Variants in MATN2 observed in about 807,000 individuals in gnomAD.
MATN2 encodes the protein matrilin-2.
MATN2 carries 69 observed loss-of-function variants against 103.2 expected under a neutral mutation model. That is an observed-to-expected ratio of 0.67 (90% CI 0.55 to 0.82). The LOEUF (loss-of-function observed/expected upper bound fraction) is 0.82. MATN2 is among the 40% of genes least tolerant of loss of function. MATN2 has a pLI of 0.00. For synonymous variants in MATN2, 429 were observed against 450.2 expected (o/e 0.95, Z 0.60); for missense variants, 1,023 against 1,211.5 (o/e 0.84, Z 2.31).
At chr8:97,963,036 G>A (rs1811364253) in intron 5 of MATN2, among the ~76,000 whole-genome samples, 1 of 152,226 alleles carries the variant, frequency 6.6e-6, no homozygotes, top group Non-Finnish European at 1.5e-5. Context: ...TTGGGAGGGT[G>A]AGGAAGAAGA....
intron 10 of MATN2, among the ~76,000 whole-genome samples, chr8:98,008,340 G>A (rs759142284): frequency 1.6e-4 from 25 of 152,016 alleles, no homozygotes; most frequent in Admixed American, 2.6e-4. Flanking sequence ...ATAAAGAATC[G>A]AAATATGGTC....
chr8:97,950,194 G>A (rs1241308181), intron 4 of MATN2, among the ~76,000 whole-genome samples: 1 of 152,224 alleles, frequency 6.6e-6, no homozygotes, highest in Non-Finnish European at 1.5e-5. Flanking sequence ...TCATTAATCA[G>A]AACAAGGTTT....
In MATN2 at chr8:98,005,793, C is replaced by T. The variant is rs923785800; in HGVS notation, c.1328-1312C>T. Among the ~76,000 whole-genome samples, 2 of 152,176 alleles carry T rather than the reference C, an allele frequency of 1.3e-5. No homozygotes were observed. Among genetic ancestry groups the T allele is most frequent in the Non-Finnish European group, 2.9e-5 (2 of 68,034 alleles). On this transcript the variant is annotated intron_variant, in intron 8 of 18. Transcript: ENST00000254898. This position sits in a 1 kb window ranked among gnomAD's most constrained non-coding sequence, Gnocchi z 4.6. The stretch of plus-strand genomic sequence containing the variant: ...CCCTACTGGGCACCCACATTCTTGT[C>T]GCTATTTAAACAAGGGCAAACTGTG...
intron 4 of MATN2, among the ~76,000 whole-genome samples, chr8:97,950,586 A>AC (rs1024154485): frequency 8.9e-4 from 135 of 152,130 alleles, no homozygotes; most frequent in African/African-American, 3.1e-3. Flanking sequence ...CTTCCCTTTT[A>AC]CCCCCCACAC....
chr8:98,020,816 G>A (rs1261804997), intron 12 of MATN2, among the ~76,000 whole-genome samples: 1 of 152,146 alleles, frequency 6.6e-6, no homozygotes, highest in Admixed American at 6.5e-5. Flanking sequence ...TGTCTCACAG[G>A]GTGTTGTGAG....
At chr8:97,922,016 G>A (rs1044856532) in intron 2 of MATN2, among the ~76,000 whole-genome samples, 2 of 152,130 alleles carry the variant, frequency 1.3e-5, no homozygotes, top group African/African-American at 4.8e-5. Context: ...AAACCCTATT[G>A]TGAATTGTGC....
intron 1 of MATN2, among the ~76,000 whole-genome samples, chr8:97,869,506 G>T (rs1169062477): frequency 6.6e-6 from 1 of 152,122 alleles, no homozygotes; most frequent in African/African-American, 2.4e-5. Context: ...CCTCGGCCGG[G>T]AGAGCTGGGC....
chr8:97,998,317 G>A (rs376263767), intron 7 of MATN2, among the ~76,000 whole-genome samples: 3 of 150,000 alleles, frequency 2.0e-5, no homozygotes, highest in African/African-American at 4.9e-5. Context: ...TCAGGAGATC[G>A]AGACCATCCT....
At chr8:98,018,490 G>A (rs11991161) in intron 12 of MATN2, among the ~76,000 whole-genome samples, 23,218 of 152,120 alleles carry the variant, frequency 0.15, 1,812 homozygotes, top group Middle Eastern at 0.19. Flanking sequence ...TTGGCAGACC[G>A]TAAAAGTAAG....
chr8:97,895,060 A>C (rs1282236474), intron 2 of MATN2, among the ~76,000 whole-genome samples: 2 of 151,872 alleles, frequency 1.3e-5, no homozygotes. Context: ...TTTAGTAGAG[A>C]CGGGGTTTCA....
At chr8:97,988,404 T>C (rs895409110) in intron 6 of MATN2, among the ~76,000 whole-genome samples, 4 of 151,648 alleles carry the variant, frequency 2.6e-5, no homozygotes, top group African/African-American at 9.7e-5. Flanking sequence ...GGTGGGAGGA[T>C]TGCTTGAGTC....
intron 3 of MATN2, among the ~76,000 whole-genome samples, chr8:97,936,617 A>C (rs1810375298): frequency 6.6e-6 from 1 of 152,200 alleles, no homozygotes; most frequent in African/African-American, 2.4e-5. Flanking sequence ...CTAGTCAACA[A>C]ATCCAATCCC....
rs917079972 is a variant in MATN2, at chr8:98,005,218, C to T, written c.1327+1435C>T. Among the ~76,000 whole-genome samples, 2 of 152,146 alleles carry T rather than the reference C, an allele frequency of 1.3e-5. No individual in the cohort carries two copies. The highest frequency in any genetic ancestry group is 2.9e-5 in the Non-Finnish European group (2 of 67,976). ...CGGTAAAGGCTTTCTAAGGACTGAT[C>T]TCAGAGGCCAAAGGGCTTTTGAACT... is the stretch of plus-strand genomic sequence containing the variant. On this transcript the variant is annotated intron_variant, in intron 8 of 18. Transcript: ENST00000254898. This position sits in a 1 kb window ranked among gnomAD's most constrained non-coding sequence, Gnocchi z 4.6.
At chr8:97,994,094 AAAGG>A in intron 6 of MATN2, among the ~76,000 whole-genome samples, 1 of 148,512 alleles carries the variant, frequency 6.7e-6, no homozygotes, top group Non-Finnish European at 1.5e-5. Context: ...AAGAAAGAAG[AAAGG>A]AAGAAAGGAA....
At chr8:97,929,693 T>G (rs1810115256) in intron 2 of MATN2, among the ~76,000 whole-genome samples, 1 of 152,246 alleles carries the variant, frequency 6.6e-6, no homozygotes, top group Non-Finnish European at 1.5e-5. Flanking sequence ...TGTCCTTTGT[T>G]GAAATATTTC....
chr8:97,880,735 T>C (rs543041917), intron 1 of MATN2, among the ~76,000 whole-genome samples: 69 of 152,290 alleles, frequency 4.5e-4, no homozygotes, highest in African/African-American at 1.5e-3. Context: ...CTCAACCCCA[T>C]TGGTCTCTCT....
intron 4 of MATN2, among the ~76,000 whole-genome samples, chr8:97,958,799 G>C (rs985678336): frequency 1.2e-4 from 19 of 152,096 alleles, no homozygotes; most frequent in African/African-American, 4.3e-4. Flanking sequence ...TTTTTCCCTT[G>C]AGTGGTCCCC....
chr8:98,022,306 ATGTG>A (rs148769332), intron 13 of MATN2, among the ~76,000 whole-genome samples: 20 of 151,628 alleles, frequency 1.3e-4, no homozygotes, highest in African/African-American at 4.6e-4. Context: ...TTCTCTATAT[ATGTG>A]TGTGTGTGTG....
In MATN2 at chr8:98,003,502, T is replaced by C. The variant is rs57984035; in HGVS notation, c.1205-159T>C. The C allele has an allele frequency of 0.022, 15,744 of 708,614 alleles. 1,790 individuals are homozygous for C. The African/African-American group carries it at 0.25, about 11-fold the overall frequency. The allele number at this position is 708,614 out of a possible 1,614,324, so 43.9% of individuals were successfully genotyped here. ...TGAATCTAGCTCAAGGCCTGGCACT[T>C]GGCTGGCAGACAAACGAATGAATGA... is the stretch of plus-strand genomic sequence containing the variant. On this transcript the variant is annotated intron_variant, in intron 7 of 18. Transcript: ENST00000254898.
Sources: gnomAD v4.1 joint callset for allele counts (sites outside exome capture counted in the v4.1 genomes callset) on GRCh38, gnomAD v4.1.1 for gene constraint, Gnocchi (gnomAD v3.1) non-coding constraint, MANE v1.5 for transcripts, NCBI Gene and HGNC (gene_info 2026-07-23, HGNC 2026-07-21) for gene names.